The following DOCK4 variants were observed in gnomAD, a reference collection of about 807,000 sequenced individuals.
The protein encoded by DOCK4 is dedicator of cytokinesis protein 4.
A neutral mutation model predicts 268.1 loss-of-function variants in DOCK4; 97 were observed. The observed-to-expected ratio is 0.36, with a 90% CI of 0.31 to 0.43. The LOEUF (loss-of-function observed/expected upper bound fraction) is 0.43, where lower values mean the gene tolerates loss of function less well. Ranked by LOEUF, DOCK4 falls within the 20% of genes least tolerant of loss-of-function variation. The pLI, the probability that DOCK4 is intolerant of heterozygous loss-of-function variation, is 1.00. For missense variants in DOCK4, 2,145 were observed against 2,455.7 expected, an observed-to-expected ratio of 0.87 and a Z score of 2.67; for synonymous variants, 954 against 887.2, an observed-to-expected ratio of 1.08 and a Z score of -1.34.
At chr7:112,201,158 G>A (rs971393774) in intron 1 of DOCK4, among the ~76,000 whole-genome samples, 3 of 152,026 alleles carry the variant, frequency 2.0e-5, no homozygotes, top group Admixed American at 6.6e-5. Context: ...ACACACATAC[G>A]CTATGATTAA....
At chr7:111,797,500 G>C (rs967972605) in intron 30 of DOCK4, among the ~76,000 whole-genome samples, 3 of 152,108 alleles carry the variant, frequency 2.0e-5, no homozygotes, top group South Asian at 2.1e-4. Context: ...TAAAAAGCAA[G>C]CAGCTGTGCA....
At chr7:111,751,570 G>A (rs942028432) in intron 42 of DOCK4, among the ~76,000 whole-genome samples, 1 of 151,952 alleles carries the variant, frequency 6.6e-6, no homozygotes, top group East Asian at 1.9e-4. Context: ...TCAGCCTCCT[G>A]AGAAGCTGGG....
intron 16 of DOCK4, among the ~76,000 whole-genome samples, chr7:111,894,480 G>T (rs1017262071): frequency 7.9e-5 from 12 of 152,174 alleles, no homozygotes; most frequent in Non-Finnish European, 1.5e-5. Flanking sequence ...GATGTGTGCA[G>T]ATACCAGGGA....
chr7:112,144,316 TAAAGTAGC>T (rs1815226167), intron 1 of DOCK4, among the ~76,000 whole-genome samples: 1 of 152,196 alleles, frequency 6.6e-6, no homozygotes. Flanking sequence ...AAATGTTGGT[TAAAGTAGC>T]AAAGTGATAA....
At chr7:112,079,466 G>T (rs1392475067) in intron 1 of DOCK4, among the ~76,000 whole-genome samples, 1 of 152,148 alleles carries the variant, frequency 6.6e-6, no homozygotes, top group African/African-American at 2.4e-5. Context: ...AAATCCTGCT[G>T]TACTCTACTT....
At chr7:112,187,874 T>C (rs1449362080) in intron 1 of DOCK4, among the ~76,000 whole-genome samples, 3 of 152,038 alleles carry the variant, frequency 2.0e-5, no homozygotes, top group Admixed American at 2.0e-4. Context: ...TTTTCACAAC[T>C]GAAAAAGAAA....
chr7:112,072,567 G>A (rs1463865289), intron 1 of DOCK4, among the ~76,000 whole-genome samples: 1 of 152,214 alleles, frequency 6.6e-6, no homozygotes, highest in Non-Finnish European at 1.5e-5. Context: ...TCCTGTTACA[G>A]TAGGCAGTGA....
At chr7:111,914,094 A>G (rs1391115689) in intron 13 of DOCK4, among the ~76,000 whole-genome samples, 2 of 152,102 alleles carry the variant, frequency 1.3e-5, no homozygotes, top group Admixed American at 6.5e-5. Flanking sequence ...AGACTCCTTC[A>G]ATAAGATTCT....
chr7:111,752,299 T>TG (rs1796711176), intron 42 of DOCK4, among the ~76,000 whole-genome samples: 1 of 152,088 alleles, frequency 6.6e-6, no homozygotes, highest in South Asian at 2.1e-4. Flanking sequence ...AAAAGGTCAC[T>TG]GGCTGCCATG....
chr7:111,922,858 G>C (rs368157905), intron 12 of DOCK4, among the ~76,000 whole-genome samples: 1 of 152,230 alleles, frequency 6.6e-6, no homozygotes, highest in African/African-American at 2.4e-5. Flanking sequence ...TGGGATTATA[G>C]GTGTGAGCCA....
At chr7:112,064,683 C>G (rs200790141) in intron 1 of DOCK4, among the ~76,000 whole-genome samples, 1 of 148,748 alleles carries the variant, frequency 6.7e-6, no homozygotes, top group Admixed American at 6.8e-5. Context: ...ACTGTGCCCC[C>G]CCTTCAAGAC....
intron 23 of DOCK4, 23 bp from the exon 24 acceptor site, chr7:111,847,149 T>A (rs769468383): frequency 1.2e-5 from 19 of 1,613,118 alleles, no homozygotes; most frequent in Non-Finnish European, 1.5e-5. Flanking sequence ...GAGTCATTAG[T>A]GTCACATCTG....
intron 14 of DOCK4, 23 bp from the exon 15 acceptor site, chr7:111,900,559 GGT>G (rs1268808501): frequency 6.3e-7 from 1 of 1,596,598 alleles, no homozygotes; most frequent in Non-Finnish European, 8.5e-7. Flanking sequence ...AGAACACACA[GGT>G]TAAAGAGAGC....
chr7:111,901,671 A>G lies in DOCK4; in HGVS notation c.1317+6T>C, dbSNP rs772986967. Reference sequence around the variant, plus strand: ...TTTGACCTGGAAATATCAAGTATTAACATACCTTCAGGGTTTGGCCACTAC... The same window carrying G: ...TTTGACCTGGAAATATCAAGTATTAGCATACCTTCAGGGTTTGGCCACTAC... On this transcript the variant is annotated splice_donor_region_variant and intron_variant, in intron 14 of 52. Transcript: ENST00000428084. 1.1e-5 allele frequency: 18 copies of G among 1,613,372 alleles called. No homozygotes were observed. Among genetic ancestry groups the G allele is most frequent in the Non-Finnish European group, 1.4e-5 (17 of 1,179,654 alleles).
At chr7:112,069,361 G>A (rs1182701918) in intron 1 of DOCK4, among the ~76,000 whole-genome samples, 1 of 152,116 alleles carries the variant, frequency 6.6e-6, no homozygotes, top group Non-Finnish European at 1.5e-5. Flanking sequence ...CATAATTCTT[G>A]CCTTTAAGGG....
At chr7:112,179,023 G>A (rs555334937) in intron 1 of DOCK4, among the ~76,000 whole-genome samples, 1 of 152,270 alleles carries the variant, frequency 6.6e-6, no homozygotes, top group Admixed American at 6.5e-5. Context: ...CTGTGTTTGA[G>A]CTTAGCCAAT....
At chr7:111,979,574 G>A (rs534546675) in intron 7 of DOCK4, among the ~76,000 whole-genome samples, 3 of 149,436 alleles carry the variant, frequency 2.0e-5, no homozygotes, top group East Asian at 2.0e-4. Flanking sequence ...CCTCCACCCC[G>A]CCAGAACTGC....
intron 2 of DOCK4, among the ~76,000 whole-genome samples, chr7:112,003,731 G>T (rs763347568): frequency 1.3e-5 from 2 of 152,066 alleles, no homozygotes; most frequent in Non-Finnish European, 2.9e-5. Flanking sequence ...CTGTCCTGTG[G>T]GATCTACTAG....
chr7:111,737,962 A>G (rs1460180259), intron 49 of DOCK4, among the ~76,000 whole-genome samples: 2 of 152,258 alleles, frequency 1.3e-5, no homozygotes, highest in African/African-American at 2.4e-5. Flanking sequence ...TCACACAATC[A>G]GCAAAGACAA....
Sources: gnomAD v4.1 joint callset for allele counts (sites outside exome capture counted in the v4.1 genomes callset) on GRCh38, gnomAD v4.1.1 for gene constraint, MANE v1.5 for transcripts, NCBI Gene and HGNC (gene_info 2026-07-23, HGNC 2026-07-21) for gene names.